CCDC66: variants seen among roughly 807,000 people sequenced by gnomAD.
The protein encoded by CCDC66 is coiled-coil domain containing 66, also known as coiled-coil domain-containing protein 66.
Under a neutral mutation model 128.3 loss-of-function variants are expected in CCDC66, and 133 were observed. That is an observed-to-expected ratio of 1.04 (90% CI 0.90 to 1.20). The LOEUF is 1.20. Ranked by LOEUF, CCDC66 falls within the 50% of genes most tolerant of loss-of-function variation. The probability of loss-of-function intolerance (pLI) is 0.00; values close to 1 mark genes in which losing one functional copy is unlikely to be tolerated. For synonymous variants in CCDC66, 387 were observed against 357.0 expected (o/e 1.08, Z -0.95); for missense variants, 1,126 against 1,075.5 (o/e 1.05, Z -0.66).
At position 56,616,176 on chromosome 3, in the gene CCDC66, AC is replaced by A. The variant is rs1184169009; in HGVS notation, c.1843+124del. 2.3e-5 allele frequency: 19 copies of A among 833,412 alleles called. No individual in the cohort carries two copies. In the African/African-American group the frequency reaches 2.8e-4, roughly 12 times the overall value. 51.6% of individuals were successfully genotyped at this position (833,412 alleles called of 1,614,324 possible). On this transcript the variant is annotated intron_variant, in intron 13 of 17. Transcript: ENST00000394672. ...AAACTTGAGGTTTTCAGTAAGAGTT[AC>A]AAAATAAAGGGATAACAGCTTTGTT...
chr3:56,600,189 G>A (rs1293888435), intron 10 of CCDC66, among the ~76,000 whole-genome samples: 3 of 139,226 alleles, frequency 2.2e-5, no homozygotes, highest in African/African-American at 8.1e-5. Context: ...TTGCTCTGTC[G>A]CCAGGCTGGA....
intron 7 of CCDC66, among the ~76,000 whole-genome samples, chr3:56,584,137 GC>G (rs1346621446): frequency 1.4e-5 from 2 of 147,800 alleles, no homozygotes; most frequent in Non-Finnish European, 3.0e-5. Flanking sequence ...CCCGGACGGG[GC>G]GGCTGGCCGG....
chr3:56,592,843 A>G (rs2071167290), intron 7 of CCDC66, 127 bp from the exon 8 acceptor site: 6 of 866,942 alleles, frequency 6.9e-6, no homozygotes, highest in South Asian at 4.8e-5. Context: ...GTTTGAAGTT[A>G]TTGCTCCTCT....
At chr3:56,600,297 C>T (rs912898640) in intron 10 of CCDC66, among the ~76,000 whole-genome samples, 4 of 151,492 alleles carry the variant, frequency 2.6e-5, no homozygotes, top group South Asian at 2.1e-4. Flanking sequence ...TATAGGTGCC[C>T]GCCACCGTGC....
intron 7 of CCDC66, among the ~76,000 whole-genome samples, chr3:56,578,146 G>A (rs1378815885): frequency 6.6e-6 from 1 of 151,686 alleles, no homozygotes; most frequent in Admixed American, 6.6e-5. Flanking sequence ...CTTGTAAGTT[G>A]TATTCCTAGG....
At chr3:56,589,554 A>G (rs2070471814) in intron 7 of CCDC66, among the ~76,000 whole-genome samples, 2 of 152,200 alleles carry the variant, frequency 1.3e-5, no homozygotes, top group Middle Eastern at 3.2e-3. Flanking sequence ...TCACAAATCA[A>G]TGATAGTCAT....
chr3:56,561,063 T>C (rs1230884204), intron 3 of CCDC66: 2 of 421,952 alleles, frequency 4.7e-6, no homozygotes, highest in African/African-American at 2.1e-5. Flanking sequence ...ATTGTTTCTC[T>C]TTCTCTATCA....
intron 7 of CCDC66, among the ~76,000 whole-genome samples, chr3:56,584,119 A>G (rs1328309064): frequency 2.5e-5 from 3 of 121,924 alleles, no homozygotes; most frequent in African/African-American, 9.6e-5. Context: ...GCTGCCCCCC[A>G]CCTCCCTCCC....
intron 12 of CCDC66, 104 bp from the exon 13 acceptor site, chr3:56,615,818 G>A (rs1385273686): frequency 2.2e-5 from 22 of 978,620 alleles, no homozygotes; most frequent in Non-Finnish European, 2.9e-5. Flanking sequence ...TTATTGCAGT[G>A]TTCATTCTGA....
intron 7 of CCDC66, among the ~76,000 whole-genome samples, chr3:56,588,148 T>C (rs2070153704): frequency 6.6e-6 from 1 of 152,256 alleles, no homozygotes; most frequent in Admixed American, 6.5e-5. Context: ...GAATAGCATT[T>C]GCAGCAACCT....
At chr3:56,570,959 T>A (rs1391142361) in intron 6 of CCDC66, among the ~76,000 whole-genome samples, 1 of 152,240 alleles carries the variant, frequency 6.6e-6, no homozygotes, top group Non-Finnish European at 1.5e-5. Context: ...TATTGGTAAT[T>A]GTGATAATAA....
chr3:56,617,213 CTT>C lies in CCDC66; in HGVS notation c.1946_1947del (p.Leu649HisfsTer5). 2 of 1,613,628 alleles carry C rather than the reference CTT, an allele frequency of 1.2e-6. No homozygotes were observed. The highest frequency in any genetic ancestry group is 1.7e-6 in the Non-Finnish European group (2 of 1,179,872). ...TTCATCTCCTGAGATTTCGGCAGAA[CTT>C]ATTGGACAGTTTAGCACCAAGAAAA... The part of the protein sequence containing the change: ...NCSSPEISAE[L>X]IGQFSTKKNK... On this transcript the variant is annotated frameshift_variant, in exon 14 of 18. Coordinates refer to ENST00000394672, the MANE Select transcript of CCDC66 (RefSeq NM_001141947.3). LOFTEE classifies it high-confidence loss of function.
chr3:56,566,136 G>GTTTTT (rs1411718461), intron 4 of CCDC66, among the ~76,000 whole-genome samples: 1 of 151,912 alleles, frequency 6.6e-6, no homozygotes, highest in Non-Finnish European at 1.5e-5. Context: ...GTTTTGTTTT[G>GTTTTT]TTTTTTTGAG....
chr3:56,606,043 G>A (rs115141624), intron 10 of CCDC66, among the ~76,000 whole-genome samples: 4,124 of 152,094 alleles, frequency 0.027, 134 homozygotes, highest in African/African-American at 0.065. Context: ...TGCCCAGTTC[G>A]ATCTTCCAGG....
At chr3:56,597,052 A>G (rs1014143118) in intron 10 of CCDC66, among the ~76,000 whole-genome samples, 2 of 151,424 alleles carry the variant, frequency 1.3e-5, no homozygotes, top group African/African-American at 4.9e-5. Flanking sequence ...GAGCTACCAC[A>G]CCAGCCCTTG....
chr3:56,563,123 G>A (rs1361927718), intron 3 of CCDC66, among the ~76,000 whole-genome samples: 1 of 151,884 alleles, frequency 6.6e-6, no homozygotes, highest in African/African-American at 2.4e-5. Flanking sequence ...CTCTTTGGGA[G>A]GCCAAGGCAG....
At chr3:56,617,633 G>A (rs903601669) in intron 14 of CCDC66, 28 bp downstream of exon 14, 11 of 1,561,998 alleles carry the variant, frequency 7.0e-6, no homozygotes, top group Non-Finnish European at 9.5e-6. Flanking sequence ...TAGATGATGT[G>A]TTGACGTTTC....
chr3:56,567,764 C>T (rs1252111910), intron 6 of CCDC66, among the ~76,000 whole-genome samples: 1 of 151,198 alleles, frequency 6.6e-6, no homozygotes, highest in African/African-American at 2.4e-5. Flanking sequence ...GTGATCTCGG[C>T]TCACTGCAAG....
chr3:56,593,843 G>A, intron 9 of CCDC66, 101 bp from the exon 10 acceptor site: 1 of 1,577,982 alleles, frequency 6.3e-7, no homozygotes, highest in East Asian at 2.2e-5. Flanking sequence ...ATTTGTCTTT[G>A]AAATAGAAAT....
Sources: allele counts gnomAD v4.1 joint callset (sites outside exome capture counted in the v4.1 genomes callset), GRCh38; gene constraint gnomAD v4.1.1; transcripts MANE v1.5; gene names NCBI Gene and HGNC (gene_info 2026-07-23, HGNC 2026-07-21).